Variants in PRKCE observed in about 807,000 individuals in gnomAD.
The protein encoded by PRKCE is protein kinase C epsilon type.
Under a neutral mutation model 85.4 loss-of-function variants are expected in PRKCE, and 16 were observed. The ratio of observed to expected loss-of-function variants is 0.19; its 90% CI spans 0.13 to 0.28. The LOEUF (loss-of-function observed/expected upper bound fraction) is 0.28, where lower values mean the gene tolerates loss of function less well. Ranked by LOEUF, PRKCE falls within the 10% of genes least tolerant of loss-of-function variation. PRKCE has a pLI of 1.00. For synonymous variants in PRKCE, 388 were observed against 371.5 expected, an observed-to-expected ratio of 1.04 and a Z score of -0.51; for missense variants, 573 against 975.2, an observed-to-expected ratio of 0.59 and a Z score of 5.49.
intron 11 of PRKCE, among the ~76,000 whole-genome samples, chr2:46,136,341 T>C (rs1674997467): frequency 6.6e-6 from 1 of 152,236 alleles, no homozygotes; most frequent in Non-Finnish European, 1.5e-5. Context: ...GTGCTAACGC[T>C]TTGCTAGATG....
At chr2:45,842,884 T>A (rs1691473128) in intron 1 of PRKCE, 116 bp from the exon 2 acceptor site, 4 of 912,928 alleles carry the variant, frequency 4.4e-6, no homozygotes, top group Non-Finnish European at 1.8e-6. Context: ...TGTAGGTTGG[T>A]GAATTACATG....
intron 2 of PRKCE, among the ~76,000 whole-genome samples, chr2:45,857,220 G>C (rs1164377703): frequency 2.0e-5 from 3 of 152,216 alleles, no homozygotes; most frequent in African/African-American, 7.2e-5. Flanking sequence ...TTCTAAAAAT[G>C]CTTCTGGAAG....
intron 2 of PRKCE, among the ~76,000 whole-genome samples, chr2:45,923,375 G>T (rs917731790): frequency 1.1e-4 from 17 of 152,252 alleles, no homozygotes; most frequent in African/African-American, 3.9e-4. Flanking sequence ...CAGTGGCCAT[G>T]TGGAGAAGCC....
At chr2:45,663,961 T>C (rs954428741) in intron 1 of PRKCE, among the ~76,000 whole-genome samples, 13 of 152,192 alleles carry the variant, frequency 8.5e-5, no homozygotes, top group African/African-American at 2.7e-4. Flanking sequence ...GGATGTTCAT[T>C]CATTAATCTA....
At chr2:45,680,942 A>G (rs915749679) in intron 1 of PRKCE, among the ~76,000 whole-genome samples, 1 of 152,224 alleles carries the variant, frequency 6.6e-6, no homozygotes, top group Non-Finnish European at 1.5e-5. Flanking sequence ...TAGAGGTTAG[A>G]GATTTAAAAC....
intron 1 of PRKCE, among the ~76,000 whole-genome samples, chr2:45,782,864 T>C (rs571480417): frequency 9.1e-4 from 138 of 152,268 alleles, no homozygotes; most frequent in African/African-American, 3.2e-3. Flanking sequence ...TGGAACTTTG[T>C]CAGCCAGTTT....
chr2:45,843,301 G>C (rs1275245702), intron 2 of PRKCE, among the ~76,000 whole-genome samples: 2 of 152,236 alleles, frequency 1.3e-5, no homozygotes, highest in Admixed American at 1.3e-4. Flanking sequence ...CCAATAAAAC[G>C]GGCGTTTTTG....
intron 11 of PRKCE, among the ~76,000 whole-genome samples, chr2:46,091,534 T>A (rs1670169680): frequency 6.6e-6 from 1 of 152,182 alleles, no homozygotes; most frequent in Non-Finnish European, 1.5e-5. Context: ...TATTCTTTTG[T>A]AATCCAGAAG....
At chr2:45,888,739 A>G (rs1237181288) in intron 2 of PRKCE, among the ~76,000 whole-genome samples, 1 of 152,194 alleles carries the variant, frequency 6.6e-6, no homozygotes, top group Non-Finnish European at 1.5e-5. Context: ...AGTGTGAGCC[A>G]TCGCACCTGG....
chr2:45,916,520 G>T (rs1697791718), intron 2 of PRKCE, among the ~76,000 whole-genome samples: 1 of 152,164 alleles, frequency 6.6e-6, no homozygotes, highest in African/African-American at 2.4e-5. Context: ...TGCTGTGATT[G>T]TAGGTGTGAG....
intron 1 of PRKCE, among the ~76,000 whole-genome samples, chr2:45,718,106 A>C (rs192437309): frequency 3.9e-4 from 59 of 152,296 alleles, no homozygotes; most frequent in Non-Finnish European, 7.2e-4. Flanking sequence ...GGGCCGGATA[A>C]CTTTTCATTG....
chr2:45,980,242 G>T (rs958653837), intron 4 of PRKCE, 54 bp from the exon 5 acceptor site: 6 of 1,542,058 alleles, frequency 3.9e-6, no homozygotes, highest in Non-Finnish European at 5.3e-6. Flanking sequence ...GATCCTGGGA[G>T]GGACACTCCC....
At chr2:45,845,141 C>T (rs1691675191) in intron 2 of PRKCE, among the ~76,000 whole-genome samples, 1 of 150,860 alleles carries the variant, frequency 6.6e-6, no homozygotes, top group Non-Finnish European at 1.5e-5. Flanking sequence ...TTCAATAATC[C>T]GTTCTGAGAA....
chr2:46,119,469 A>G (rs574542142), intron 11 of PRKCE, among the ~76,000 whole-genome samples: 3 of 152,322 alleles, frequency 2.0e-5, no homozygotes, highest in Admixed American at 1.3e-4. Flanking sequence ...AGTATAAAAT[A>G]CATACAAATG....
At chr2:45,939,148 G>A (rs1699697473) in intron 2 of PRKCE, among the ~76,000 whole-genome samples, 1 of 152,204 alleles carries the variant, frequency 6.6e-6, no homozygotes, top group Admixed American at 6.5e-5. Flanking sequence ...TATACATTAT[G>A]CCCTCACTCA....
rs147795264 is a variant in PRKCE at position 45,993,464 on chromosome 2, A to T, written c.824-7940A>T. Among the ~76,000 whole-genome samples, 15 of 152,294 alleles carry T rather than the reference A, an allele frequency of 9.8e-5. No individual in the cohort carries two copies. The East Asian group carries it at 2.9e-3, about 29-fold the overall frequency. ...TAAGATGAGTACATAACTCAGGGGA[A>T]ATAGCAGACTTTTTAAAAATAAAAG... On this transcript the variant is annotated intron_variant, in intron 6 of 14. Coordinates refer to ENST00000306156, the MANE Select transcript of PRKCE (RefSeq NM_005400.3).
chr2:45,984,749 C>A, intron 6 of PRKCE, 69 bp downstream of exon 6: 1 of 1,541,026 alleles, frequency 6.5e-7, no homozygotes, highest in Non-Finnish European at 8.7e-7. Context: ...CCCATCCCTG[C>A]TTTATAAAAA....
At chr2:45,767,373 A>G (rs904495957) in intron 1 of PRKCE, among the ~76,000 whole-genome samples, 1 of 152,202 alleles carries the variant, frequency 6.6e-6, no homozygotes, top group Non-Finnish European at 1.5e-5. Context: ...AGAATTTGGA[A>G]GAATGTTTAT....
intron 10 of PRKCE, among the ~76,000 whole-genome samples, chr2:46,034,259 G>A (rs1447826905): frequency 6.6e-6 from 1 of 152,140 alleles, no homozygotes; most frequent in Admixed American, 6.5e-5. Flanking sequence ...TCCTTAGATA[G>A]GGGCTGTCAC....
Sources: allele counts gnomAD v4.1 joint callset (sites outside exome capture counted in the v4.1 genomes callset), GRCh38; gene constraint gnomAD v4.1.1; transcripts MANE v1.5; gene names NCBI Gene and HGNC (gene_info 2026-07-23, HGNC 2026-07-21).